The following CENPI variants were observed in gnomAD, a reference collection of about 807,000 sequenced individuals.
CENPI encodes the protein FSH primary response 1.
In CENPI, 4 loss-of-function variants were observed where a neutral mutation model predicts 60.4. The observed-to-expected ratio is 0.07, with a 90% CI of 0.03 to 0.15. CENPI has a LOEUF of 0.15. Among genes scored for constraint, CENPI ranks in the 10% least tolerant of loss-of-function variants. CENPI has a pLI of 1.00. For synonymous variants in CENPI, 157 were observed against 189.4 expected (o/e 0.83, Z 1.40); for missense variants, 444 against 534.5 (o/e 0.83, Z 1.67).
At chrX:101,156,732 T>C (rs2090055661) in intron 20 of CENPI, among the ~76,000 whole-genome samples, 1 of 93,298 alleles carries the variant, frequency 1.1e-5, no homozygotes, top group Non-Finnish European at 2.1e-5. Context: ...CTCCCACTTA[T>C]GAGTGAGAAT....
intron 2 of CENPI, among the ~76,000 whole-genome samples, chrX:101,099,200 G>T (rs1433138622): frequency 2.7e-5 from 3 of 110,786 alleles, no homozygotes; most frequent in South Asian, 3.9e-4. Flanking sequence ...GCTGAGGCAG[G>T]TGTGGATCAC....
At chrX:101,119,037 G>A (rs996541870) in intron 6 of CENPI, among the ~76,000 whole-genome samples, 1 of 110,644 alleles carries the variant, frequency 9.0e-6, no homozygotes, top group Non-Finnish European at 1.9e-5. Context: ...AAAATTAGCC[G>A]GGTGTGGTGG....
At chrX:101,099,429 C>T (rs1179846866) in intron 2 of CENPI, among the ~76,000 whole-genome samples, 3 of 78,991 alleles carry the variant, frequency 3.8e-5, no homozygotes, top group East Asian at 4.0e-4. Flanking sequence ...GTGAGACTGT[C>T]TCAAAAAAAA....
chrX:101,171,234 C>G, the CENPI span, among the ~76,000 whole-genome samples: 3 of 111,142 alleles, frequency 2.7e-5, no homozygotes, highest in African/African-American at 9.8e-5. Flanking sequence ...GGGGAGCCAA[C>G]ACAGTTCAAT....
In CENPI at chrX:101,145,124, G is replaced by C; in HGVS notation, c.1626G>C (p.Trp542Cys). The change falls in exon 17 of 22, where the codon TGG becomes TGC. Residue 542 changes from tryptophan to cysteine, a missense_variant. Physicochemically the swap from Trp to Cys is radical, Grantham distance 215. Transcript: ENST00000682095. ...CTAAACTGATCCACTATGTAGGGTG[G>C]CTATCCACTACTGCAATGCGCTTGG... ...SVSKLIHYVG[W>C]LSTTAMRLES... is the part of the protein sequence containing the mutation. 3 of 1,202,288 alleles carry C rather than the reference G, an allele frequency of 2.5e-6. No homozygotes were observed. The South Asian group carries it at 5.3e-5, about 21-fold the overall frequency.
At chrX:101,100,983 A>C (rs1474015193) in intron 2 of CENPI, 75 bp from the exon 3 acceptor site, 7 of 666,317 alleles carry the variant, frequency 1.1e-5, no homozygotes, top group Non-Finnish European at 1.7e-5. Flanking sequence ...AAATACTGGA[A>C]ACACACCCTG....
At chrX:101,131,031 C>G (rs1184047052) in intron 13 of CENPI, among the ~76,000 whole-genome samples, 4 of 111,138 alleles carry the variant, frequency 3.6e-5, no homozygotes, top group Non-Finnish European at 7.5e-5. Flanking sequence ...GCTCTGTTGC[C>G]CAGGCTGGAG....
intron 4 of CENPI, among the ~76,000 whole-genome samples, chrX:101,104,679 C>G (rs144290073): frequency 2.0e-5 from 2 of 99,279 alleles, no homozygotes; most frequent in East Asian, 3.1e-4. Flanking sequence ...GGCAACAAAG[C>G]GAAACCTTGT....
intron 15 of CENPI, among the ~76,000 whole-genome samples, chrX:101,138,343 T>A (rs72615568): frequency 1.0e-5 from 1 of 98,118 alleles, no homozygotes; most frequent in African/African-American, 4.0e-5. Flanking sequence ...GAATTAAAGA[T>A]TTTTTTTTTT....
rs773635203 is a variant in CENPI at position 101,164,093 on chromosome X, A to G, written c.*1126A>G. Among the ~76,000 whole-genome samples the G allele has an allele frequency of 1.8e-5, 2 of 111,379 alleles. No individual in the cohort carries two copies. The highest frequency in any genetic ancestry group is 5.6e-4 in the East Asian group (2 of 3,565). ...TCTAGTAAAATTCGTATCATTTGAG[A>G]AGAATCAAGCTGAATTAATTTTTGT... is the stretch of plus-strand genomic sequence containing the variant. On this transcript the variant is annotated 3_prime_UTR_variant, in exon 22 of 22. Transcript: ENST00000682095.
At chrX:101,151,103 C>T (rs2090002872) in intron 20 of CENPI, among the ~76,000 whole-genome samples, 1 of 111,898 alleles carries the variant, frequency 8.9e-6, no homozygotes, top group African/African-American at 3.2e-5. Context: ...CAGTGGTGTT[C>T]TTTGTCTGGT....
Position 101,128,697 on chromosome X carries a change from G to A in CENPI, c.1075-19G>A, listed in dbSNP as rs770417881. The A allele has an allele frequency of 2.7e-5, 32 of 1,193,409 alleles. No homozygotes were observed. Among genetic ancestry groups the A allele is most frequent in the East Asian group, 9.0e-5 (3 of 33,420 alleles). The stretch of plus-strand genomic sequence containing the variant: ...CTTTTCAGATACTTAACTGTTGATC[G>A]GTTGTTCTGTCATTGCAGCTGCCTT... On this transcript the variant is annotated intron_variant, in intron 11 of 21. Transcript: ENST00000682095.
chrX:101,113,730 T>C (rs1160488470), intron 6 of CENPI, among the ~76,000 whole-genome samples: 1 of 112,588 alleles, frequency 8.9e-6, no homozygotes, highest in Non-Finnish European at 1.9e-5. Context: ...TGGCTAAAAG[T>C]GTATTTTTTA....
chrX:101,143,244 C>T (rs1267030051), intron 16 of CENPI, among the ~76,000 whole-genome samples: 2 of 110,266 alleles, frequency 1.8e-5, no homozygotes, highest in Admixed American at 9.8e-5. Context: ...TATACATGTT[C>T]TTTTCCTTAT....
intron 8 of CENPI, among the ~76,000 whole-genome samples, chrX:101,121,565 A>G (rs1199436595): frequency 9.0e-6 from 1 of 110,670 alleles, no homozygotes; most frequent in South Asian, 3.8e-4. Flanking sequence ...CAGGGATTAC[A>G]GGCATGAACC....
chrX:101,162,084 G>A (rs1018728095), intron 21 of CENPI, among the ~76,000 whole-genome samples: 1 of 110,285 alleles, frequency 9.1e-6, no homozygotes, highest in Admixed American at 9.8e-5. Flanking sequence ...GGGATTGCAT[G>A]TGTGTACCAC....
At chrX:101,147,102 G>T (rs965049196) in intron 18 of CENPI, among the ~76,000 whole-genome samples, 1 of 111,931 alleles carries the variant, frequency 8.9e-6, no homozygotes, top group Non-Finnish European at 1.9e-5. Context: ...AAACTAATTA[G>T]TTGTTAATAG....
At chrX:101,161,470 A>G (rs905967507) in intron 20 of CENPI, 58 bp from the exon 21 acceptor site, 5 of 1,048,618 alleles carry the variant, frequency 4.8e-6, no homozygotes, top group Admixed American at 2.3e-5. Context: ...CTATCACCAT[A>G]TCTCCCCACT....
intron 16 of CENPI, among the ~76,000 whole-genome samples, chrX:101,142,766 A>C (rs1602834691): frequency 1.8e-5 from 2 of 111,681 alleles, no homozygotes; most frequent in East Asian, 5.6e-4. Context: ...TATTTCAGAC[A>C]CAGTTGCCAA....
Sources: gnomAD v4.1 joint callset for allele counts (sites outside exome capture counted in the v4.1 genomes callset) on GRCh38, gnomAD v4.1.1 for gene constraint, MANE v1.5 for transcripts, NCBI Gene and HGNC (gene_info 2026-07-23, HGNC 2026-07-21) for gene names.